GLIS3: variants seen among roughly 807,000 people sequenced by gnomAD.
The protein encoded by GLIS3 is zinc finger protein GLIS3.
In GLIS3, 53 loss-of-function variants were observed where a neutral mutation model predicts 78.6. The observed-to-expected ratio is 0.67, with a 90% CI of 0.54 to 0.85. GLIS3 has a LOEUF of 0.85. Ranked by LOEUF, GLIS3 falls within the 40% of genes least tolerant of loss-of-function variation. The pLI is 0.00. For missense variants in GLIS3, 1,703 were observed against 1,231.1 expected (o/e 1.38, Z -5.74); for synonymous variants, 684 against 509.9 (o/e 1.34, Z -4.60).
intron 4 of GLIS3, among the ~76,000 whole-genome samples, chr9:4,027,837 G>A (rs1014541030): frequency 2.0e-5 from 3 of 152,154 alleles, no homozygotes; most frequent in Non-Finnish European, 2.9e-5. Context: ...CGGAACCCTC[G>A]TAGGAGAGGT....
chr9:4,037,622 G>C, intron 4 of GLIS3, among the ~76,000 whole-genome samples: 1 of 149,926 alleles, frequency 6.7e-6, no homozygotes. Context: ...ACAGGCTCAG[G>C]CATTATTTTA....
At chr9:4,317,584 G>C (rs1817460376) in intron 2 of GLIS3, among the ~76,000 whole-genome samples, 1 of 152,202 alleles carries the variant, frequency 6.6e-6, no homozygotes. Flanking sequence ...ATTACGTATT[G>C]CTTACGATTA....
In GLIS3 at chr9:4,195,779, G is replaced by A. The variant is rs190297235; in HGVS notation, c.389-69838C>T. Among the ~76,000 whole-genome samples the A allele has an allele frequency of 3.9e-5, 6 of 152,364 alleles. No homozygotes were observed. In the East Asian group the frequency reaches 1.2e-3, roughly 29 times the overall value. On this transcript the variant is annotated intron_variant, in intron 2 of 10. Coordinates refer to ENST00000381971, the MANE Select transcript of GLIS3 (RefSeq NM_001042413.2). Reference sequence around the variant, plus strand: ...TCTTGGAGAACTTTTATGTCTAGCTGGAGGATTGTGGATGCACCAACAGGC... The same window carrying A: ...TCTTGGAGAACTTTTATGTCTAGCTAGAGGATTGTGGATGCACCAACAGGC...
chr9:3,984,959 C>G (rs1395369447), intron 4 of GLIS3, among the ~76,000 whole-genome samples: 1 of 152,100 alleles, frequency 6.6e-6, no homozygotes, highest in Non-Finnish European at 1.5e-5. Flanking sequence ...CTCGTCCTTG[C>G]CTTCTGCCAT....
the GLIS3 span, among the ~76,000 whole-genome samples, chr9:4,467,369 G>A: frequency 6.6e-6 from 1 of 152,214 alleles, no homozygotes; most frequent in Non-Finnish European, 1.5e-5. Flanking sequence ...GTATAACTAG[G>A]AGACACCTCC....
At chr9:4,370,916 C>T in the GLIS3 span, among the ~76,000 whole-genome samples, 15 of 152,068 alleles carry the variant, frequency 9.9e-5, no homozygotes, top group South Asian at 4.2e-4. Flanking sequence ...GATATCATAA[C>T]GCCTTCAAAA....
Position 3,923,999 on chromosome 9 carries a change from C to G in GLIS3, c.1983+8361G>C, listed in dbSNP as rs147299180. Among the ~76,000 whole-genome samples the G allele has an allele frequency of 8.3e-3, 1,264 of 152,352 alleles. 15 individuals carry two copies. The highest frequency in any genetic ancestry group is 0.029 in the African/African-American group (1,198 of 41,586). On this transcript the variant is annotated intron_variant, in intron 6 of 10. Coordinates refer to ENST00000381971, the MANE Select transcript of GLIS3 (RefSeq NM_001042413.2). The stretch of plus-strand genomic sequence containing the variant: ...TAATTTCTGGGAGTTCATGAGCTTC[C>G]TAAAACACAGCCATCCATGGGCCTT...
the GLIS3 span, among the ~76,000 whole-genome samples, chr9:4,361,548 G>T: frequency 6.6e-6 from 1 of 152,176 alleles, no homozygotes; most frequent in Non-Finnish European, 1.5e-5. Context: ...TTACAAGGCT[G>T]TGGTGTATTA....
At chr9:4,335,591 G>A (rs189736721) in intron 2 of GLIS3, among the ~76,000 whole-genome samples, 5 of 152,280 alleles carry the variant, frequency 3.3e-5, no homozygotes, top group South Asian at 4.1e-4. Context: ...TGGGGATGGC[G>A]TTAACCTAGC....
At chr9:4,442,129 C>G in the GLIS3 span, among the ~76,000 whole-genome samples, 1 of 152,196 alleles carries the variant, frequency 6.6e-6, no homozygotes, top group Admixed American at 6.5e-5. Flanking sequence ...AATCTCCTTA[C>G]TCACTATTGG....
chr9:4,031,849 C>A (rs1170238843), intron 4 of GLIS3, among the ~76,000 whole-genome samples: 3 of 152,142 alleles, frequency 2.0e-5, no homozygotes, highest in African/African-American at 7.2e-5. Flanking sequence ...AATAAAGGTT[C>A]TTTTTAAATC....
chr9:4,352,100 T>C (rs941943487), upstream of GLIS3, among the ~76,000 whole-genome samples: 2 of 152,240 alleles, frequency 1.3e-5, no homozygotes, highest in African/African-American at 4.8e-5. Context: ...GACTCACAAC[T>C]ACGATGGAAA....
chr9:4,054,351 C>G lies in GLIS3; in HGVS notation c.1710+63417G>C, dbSNP rs944801321. ...CACAAGACCTCCACCTTTCCAAGCT[C>G]TCAAAAGGCACAGAGCAATAAAACG... On this transcript the variant is annotated intron_variant, in intron 4 of 10. Coordinates refer to ENST00000381971, the MANE Select transcript of GLIS3 (RefSeq NM_001042413.2). The G allele has an allele frequency of 3.4e-4, 338 of 985,436 alleles. 2 individuals are homozygous for G. Among genetic ancestry groups the G allele is most frequent in the Non-Finnish European group, 4.0e-4 (332 of 829,930 alleles). The allele number at this position is 985,436 out of a possible 1,614,324, so 61.0% of individuals were successfully genotyped here.
intron 2 of GLIS3, among the ~76,000 whole-genome samples, chr9:4,279,312 A>AAAAAAAAAT (rs1563886943): frequency 1.2e-5 from 1 of 84,302 alleles, no homozygotes; most frequent in East Asian, 3.2e-4. Context: ...AAAAAAAAAA[A>AAAAAAAAAT]AAATATATAT....
chr9:3,942,890 C>T (rs978851996), intron 4 of GLIS3, among the ~76,000 whole-genome samples: 2 of 151,296 alleles, frequency 1.3e-5, no homozygotes, highest in African/African-American at 4.9e-5. Context: ...ATAAAATAAA[C>T]AAAAGAACTA....
chr9:4,178,568 T>A (rs1305013234), intron 2 of GLIS3, among the ~76,000 whole-genome samples: 1 of 152,246 alleles, frequency 6.6e-6, no homozygotes, highest in African/African-American at 2.4e-5. Context: ...TGCCTAGGGC[T>A]TGACCTACAT....
At chr9:3,859,858 C>T (rs999834268) in intron 8 of GLIS3, among the ~76,000 whole-genome samples, 5 of 152,084 alleles carry the variant, frequency 3.3e-5, no homozygotes, top group African/African-American at 1.2e-4. Flanking sequence ...CAAAAGCTAA[C>T]CAGATAACTG....
At chr9:4,274,006 C>T (rs1434489380) in intron 2 of GLIS3, among the ~76,000 whole-genome samples, 1 of 152,206 alleles carries the variant, frequency 6.6e-6, no homozygotes, top group Non-Finnish European at 1.5e-5. Flanking sequence ...GGACATTCTC[C>T]TACTCCAGGA....
intron 4 of GLIS3, among the ~76,000 whole-genome samples, chr9:3,955,920 T>C (rs1031066795): frequency 6.7e-6 from 1 of 149,354 alleles, no homozygotes; most frequent in Non-Finnish European, 1.5e-5. Flanking sequence ...ATGACAGCTA[T>C]GGGGAACCTG....
Sources: gnomAD v4.1 joint callset for allele counts (sites outside exome capture counted in the v4.1 genomes callset) on GRCh38, gnomAD v4.1.1 for gene constraint, MANE v1.5 for transcripts, NCBI Gene and HGNC (gene_info 2026-07-23, HGNC 2026-07-21) for gene names.